KCNN2: variants seen among roughly 807,000 people sequenced by gnomAD.
The protein encoded by KCNN2 is potassium calcium-activated channel subfamily N member 2.
In KCNN2, 24 loss-of-function variants were observed where a neutral mutation model predicts 55.5. That is an observed-to-expected ratio of 0.43 (90% confidence interval 0.31 to 0.61). The LOEUF is 0.61. Ranked by LOEUF, KCNN2 falls within the 20% of genes least tolerant of loss-of-function variation. KCNN2 has a pLI of 0.08. For synonymous variants in KCNN2, 431 were observed against 336.1 expected (o/e 1.28, Z -3.09); for missense variants, 754 against 853.6 (o/e 0.88, Z 1.45).
chr5:114,441,411 T>G (rs1039350357), intron 3 of KCNN2, among the ~76,000 whole-genome samples: 4 of 152,176 alleles, frequency 2.6e-5, no homozygotes, highest in African/African-American at 9.7e-5. Flanking sequence ...TTTCAGTAAT[T>G]GACCATATGT....
intron 2 of KCNN2, among the ~76,000 whole-genome samples, chr5:114,319,082 A>G (rs1439417322): frequency 6.6e-6 from 1 of 152,156 alleles, no homozygotes; most frequent in Admixed American, 6.5e-5. Flanking sequence ...GGGTATATTC[A>G]GGAATATACT....
intron 2 of KCNN2, among the ~76,000 whole-genome samples, chr5:114,267,571 G>T (rs1755235608): frequency 6.6e-6 from 1 of 152,156 alleles, no homozygotes; most frequent in Admixed American, 6.5e-5. Flanking sequence ...AATATATTTA[G>T]AATCCAGTCT....
intron 2 of KCNN2, among the ~76,000 whole-genome samples, chr5:114,377,120 T>C (rs1468274012): frequency 6.6e-6 from 1 of 152,134 alleles, no homozygotes; most frequent in Non-Finnish European, 1.5e-5. Flanking sequence ...TTGACTTTAT[T>C]TTAAATTTGC....
intron 1 of KCNN2, among the ~76,000 whole-genome samples, chr5:114,221,162 C>T (rs1236464958): frequency 6.6e-6 from 1 of 152,196 alleles, no homozygotes; most frequent in African/African-American, 2.4e-5. Context: ...TGTCCCATGG[C>T]CTGGTTTTCA....
At chr5:114,191,990 A>G (rs752240560) in intron 1 of KCNN2, among the ~76,000 whole-genome samples, 13 of 152,178 alleles carry the variant, frequency 8.5e-5, no homozygotes, top group Non-Finnish European at 1.6e-4. Flanking sequence ...ACTAATGAGT[A>G]CAATCCAGAA....
At position 114,198,043 on chromosome 5, in the gene KCNN2, C is replaced by T. The variant is rs111357148; in HGVS notation, c.-270-23437C>T. On this transcript the variant is annotated intron_variant, in intron 1 of 10. Transcript: ENST00000512097. The stretch of plus-strand genomic sequence containing the variant: ...GGCTGTGCCGAGCTCCTTATTTCTT[C>T]GTTCTCAAAGTCCTGCTCCTCCCCC... 5.4e-3 allele frequency among the ~76,000 whole-genome samples: 822 copies of T among 151,958 alleles called. 5 individuals are homozygous for T. Among genetic ancestry groups the T allele is most frequent in the African/African-American group, 0.019 (779 of 41,440 alleles).
intron 5 of KCNN2, among the ~76,000 whole-genome samples, chr5:114,481,649 A>G (rs1046806035): frequency 2.4e-4 from 36 of 152,208 alleles, no homozygotes; most frequent in Non-Finnish European, 1.5e-5. Flanking sequence ...AAACTATATT[A>G]TAGGGCTACA....
chr5:114,158,639 G>A (rs1391475475), intron 1 of KCNN2, among the ~76,000 whole-genome samples: 1 of 151,612 alleles, frequency 6.6e-6, no homozygotes. Context: ...CCATGAGCAT[G>A]GAATGTTCTT....
chr5:114,297,868 C>A (rs910132216), intron 2 of KCNN2, among the ~76,000 whole-genome samples: 1 of 152,040 alleles, frequency 6.6e-6, no homozygotes, highest in African/African-American at 2.4e-5. Flanking sequence ...GTGGTAAAAG[C>A]GTAAGTTTCT....
intron 1 of KCNN2, among the ~76,000 whole-genome samples, chr5:114,180,630 A>G (rs10076063): frequency 0.025 from 3,799 of 152,300 alleles, 145 homozygotes; most frequent in African/African-American, 0.086. Context: ...ATATGTATGT[A>G]GATACTGGCA....
chr5:114,291,749 C>A (rs1294295265), intron 2 of KCNN2, among the ~76,000 whole-genome samples: 1 of 152,154 alleles, frequency 6.6e-6, no homozygotes, highest in Admixed American at 6.5e-5. Flanking sequence ...AGTTCTAGAT[C>A]CCTGAGGAAT....
chr5:114,143,280 G>A (rs762650779), intron 1 of KCNN2, among the ~76,000 whole-genome samples: 62 of 152,138 alleles, frequency 4.1e-4, no homozygotes, highest in Non-Finnish European at 2.9e-5. Context: ...TTACAATATA[G>A]TGTGTGCATC....
At chr5:114,417,479 T>G (rs915842534) in intron 3 of KCNN2, among the ~76,000 whole-genome samples, 1 of 152,198 alleles carries the variant, frequency 6.6e-6, no homozygotes, top group African/African-American at 2.4e-5. Flanking sequence ...AAAGATTCCA[T>G]TTTTGAAATA....
At chr5:114,455,406 T>G (rs1760872552) in intron 3 of KCNN2, among the ~76,000 whole-genome samples, 1 of 152,222 alleles carries the variant, frequency 6.6e-6, no homozygotes, top group East Asian at 1.9e-4. Flanking sequence ...AAGGCAAACT[T>G]AAATGATAAA....
At chr5:114,109,072 T>G (rs531881945) in intron 1 of KCNN2, among the ~76,000 whole-genome samples, 1 of 152,056 alleles carries the variant, frequency 6.6e-6, no homozygotes, top group Non-Finnish European at 1.5e-5. Flanking sequence ...TCAGGATCTC[T>G]CAGAAGTCTC....
intron 2 of KCNN2, among the ~76,000 whole-genome samples, chr5:114,319,045 G>A (rs1025143732): frequency 1.3e-5 from 2 of 152,072 alleles, no homozygotes; most frequent in South Asian, 4.1e-4. Flanking sequence ...AACGTACACA[G>A]ACCTCTGTAT....
rs532902253 is a variant in KCNN2 at position 114,238,756 on chromosome 5, C to G, written c.-185+17191C>G. ...TAATTTAGAATGTAATTCCACTAACCTATGTCCTATCAGCCTGAGCAGTCT... is the reference window on the plus strand; with the variant it reads ...TAATTTAGAATGTAATTCCACTAACGTATGTCCTATCAGCCTGAGCAGTCT... On this transcript the variant is annotated intron_variant, in intron 2 of 10. Transcript: ENST00000512097. Among the ~76,000 whole-genome samples, 7 of 152,268 alleles carry G rather than the reference C, an allele frequency of 4.6e-5. No homozygotes were observed. In the South Asian group the frequency reaches 1.4e-3, roughly 32 times the overall value.
chr5:114,338,535 T>C (rs1020014301), intron 2 of KCNN2, among the ~76,000 whole-genome samples: 3 of 152,174 alleles, frequency 2.0e-5, no homozygotes, highest in African/African-American at 4.8e-5. Context: ...AAGTAAGTAA[T>C]ATATCAAGAA....
At chr5:114,162,385 G>A (rs979017917) in intron 1 of KCNN2, among the ~76,000 whole-genome samples, 5 of 152,090 alleles carry the variant, frequency 3.3e-5, no homozygotes, top group African/African-American at 7.2e-5. Flanking sequence ...AGGAGTACCC[G>A]GCCGTTTGAG....
Sources: gnomAD v4.1 joint callset for allele counts (sites outside exome capture counted in the v4.1 genomes callset) on GRCh38, gnomAD v4.1.1 for gene constraint, MANE v1.5 for transcripts, NCBI Gene and HGNC (gene_info 2026-07-23, HGNC 2026-07-21) for gene names.